The following SLC46A2 variants were observed in gnomAD, a reference collection of about 807,000 sequenced individuals.
SLC46A2 encodes the protein solute carrier family 46 member 2, also known as thymic stromal co-transporter.
SLC46A2 carries 25 observed loss-of-function variants against 33.1 expected under a neutral mutation model. The observed-to-expected ratio is 0.76, with a 90% CI of 0.55 to 1.06. The LOEUF (loss-of-function observed/expected upper bound fraction) is 1.06, where lower values mean the gene tolerates loss of function less well. SLC46A2 is among the 50% of genes least tolerant of loss of function. The probability of loss-of-function intolerance (pLI) is 0.00; values close to 1 mark genes in which losing one functional copy is unlikely to be tolerated. For synonymous variants in SLC46A2, 254 were observed against 275.9 expected (o/e 0.92, Z 0.79); for missense variants, 622 against 621.7 (o/e 1.00, Z 0.00).
intron 3 of SLC46A2, chr9:112,885,445 T>TAC (rs1841630967): frequency 6.6e-6 from 1 of 150,660 alleles, no homozygotes. Context: ...TATGTGTATA[T>TAC]ATATATATAT....
In SLC46A2 at chr9:112,890,206, A is replaced by G. The variant is rs1458261150; in HGVS notation, c.476T>C (p.Leu159Pro). The G allele has an allele frequency of 1.2e-6, 2 of 1,613,086 alleles. No individual in the cohort carries two copies. The highest frequency in any genetic ancestry group is 1.7e-5 in the Admixed American group (1 of 60,016). Reference sequence around the variant, plus strand: ...GCCCTCGGAGGAGCCCAGCGATCCCAGCGCCATGACCCCGGACCAGAAGGC... The same window carrying G: ...GCCCTCGGAGGAGCCCAGCGATCCCGGCGCCATGACCCCGGACCAGAAGGC... ...FSAFWSGVMALGSLGSSEGRR... is the reference protein window; with the variant it reads ...FSAFWSGVMAPGSLGSSEGRR... The change falls in exon 1 of 4, where the codon CTG (leucine) becomes CCG (proline). Residue 159 changes from leucine (L) to proline (P), a missense_variant. Leu to Pro is a moderately conservative substitution (Grantham distance 98). Transcript: ENST00000374228. The surrounding 1 kb of genome is among the most constrained non-coding windows in gnomAD (Gnocchi z 6.0).
rs2131549388 is a variant in SLC46A2, at chr9:112,890,806, G to C, written c.-125C>G. 9.1e-7 allele frequency: 1 copy of C among 1,099,692 alleles called. No individual in the cohort carries two copies. The allele number at this position is 1,099,692 out of a possible 1,614,324, so 68.1% of individuals were successfully genotyped here. ...CGCGAGTGTGCTCCGTGCGCCGGGA[G>C]CGCGAGTGTGCTCCGTGCGCCGGGA... On this transcript the variant is annotated 5_prime_UTR_variant, in exon 1 of 4. Coordinates refer to ENST00000374228, the MANE Select transcript of SLC46A2 (RefSeq NM_033051.4). This position sits in a 1 kb window ranked among gnomAD's most constrained non-coding sequence, Gnocchi z 6.0.
chr9:112,885,359 A>G (rs1324513307), intron 3 of SLC46A2: 3 of 151,994 alleles, frequency 2.0e-5, no homozygotes, highest in Non-Finnish European at 4.4e-5. Context: ...CTCATGTGCT[A>G]CTAGGCAGGT....
In SLC46A2 at chr9:112,889,923, G is replaced by A. The variant is rs7022287; in HGVS notation, c.759C>T (p.Tyr253=). Residue 253 remains tyrosine (Y), a synonymous_variant, in exon 1 of 4, where the codon TAC becomes TAT. Transcript: ENST00000374228. ...VDTVSGTVGT[Y]RTLDPDQLDQ... is the part of the protein sequence containing the mutation. ...CCAACTGATCAGGATCCAGAGTGCG[G>A]TATGTGCCAACCGTGCCAGACACGG... 1,079 of 1,614,262 alleles carry A rather than the reference G, an allele frequency of 6.7e-4. 7 individuals are homozygous for A. The African/African-American group carries it at 0.012, about 18-fold the overall frequency.
chr9:112,882,179 T>C (rs1475254488), intron 3 of SLC46A2, among the ~76,000 whole-genome samples: 1 of 152,204 alleles, frequency 6.6e-6, no homozygotes, highest in African/African-American at 2.4e-5. Context: ...TGATCTTTGC[T>C]CATTGCAGCC....
At position 112,890,803 on chromosome 9, in the gene SLC46A2, G is replaced by C; in HGVS notation, c.-122C>G. On this transcript the variant is annotated 5_prime_UTR_variant, in exon 1 of 4. Coordinates refer to ENST00000374228, the MANE Select transcript of SLC46A2 (RefSeq NM_033051.4). The surrounding 1 kb of genome is among the most constrained non-coding windows in gnomAD (Gnocchi z 6.0). ...GAGCGCGAGTGTGCTCCGTGCGCCG[G>C]GAGCGCGAGTGTGCTCCGTGCGCCG... is the stretch of plus-strand genomic sequence containing the variant. The C allele has an allele frequency of 9.3e-7, 1 of 1,071,804 alleles. No individual in the cohort carries two copies. The highest frequency in any genetic ancestry group is 1.3e-6 in the Non-Finnish European group (1 of 789,846). The allele number at this position is 1,071,804 out of a possible 1,614,324, so 66.4% of individuals were successfully genotyped here. A position where few individuals can be genotyped will look rare whatever the true frequency, so the allele number is the denominator to read the frequency against.
chr9:112,887,483 C>G (rs1841657319), intron 1 of SLC46A2, 70 bp from the exon 2 acceptor site: 2 of 1,410,330 alleles, frequency 1.4e-6, no homozygotes, highest in Admixed American at 4.9e-5. Flanking sequence ...TTATCAAAAG[C>G]CTCTCTTAGA....
chr9:112,888,226 G>A (rs906281189), intron 1 of SLC46A2, among the ~76,000 whole-genome samples: 2 of 152,100 alleles, frequency 1.3e-5, no homozygotes, highest in Non-Finnish European at 2.9e-5. Context: ...GCAGTGAGCC[G>A]AGATCGTACC....
intron 1 of SLC46A2, 116 bp from the exon 2 acceptor site, chr9:112,887,529 C>A: frequency 3.3e-6 from 3 of 904,556 alleles, no homozygotes; most frequent in East Asian, 2.8e-5. Context: ...GTGGCTTGAC[C>A]TGGAGGAAGT....
Position 112,879,671 on chromosome 9 carries a change from G to T in SLC46A2, c.*91C>A. On this transcript the variant is annotated 3_prime_UTR_variant, in exon 4 of 4. Transcript: ENST00000374228. ...GGAACGCAGGTTTCTTAAGCAGTGG[G>T]TTGCTTAGGTCACCAGTTCCCTGGT... 2.4e-6 allele frequency: 3 copies of T among 1,229,206 alleles called. No homozygotes were observed. In the East Asian group the frequency reaches 7.1e-5, roughly 29 times the overall value. 76.1% of individuals were successfully genotyped at this position (1,229,206 alleles called of 1,614,324 possible). A position where few individuals can be genotyped will look rare whatever the true frequency, so the allele number is the denominator to read the frequency against.
At position 112,889,766 on chromosome 9, in the gene SLC46A2, G is replaced by A; in HGVS notation, c.916C>T (p.Leu306Phe). 6.2e-7 allele frequency: 1 copy of A among 1,614,152 alleles called. No individual in the cohort carries two copies. The part of the protein sequence containing the change: ...AVVGTVDVIP[L>F]FVLREPLGWN... ...CCGAGAGGCTCCCTCAGCACAAAAA[G>A]AGGGATCACGTCCACTGTGCCCACC... Residue 306 changes from leucine to phenylalanine, a missense_variant, in exon 1 of 4, where the codon CTT becomes TTT. Leu to Phe is a conservative substitution (Grantham distance 22). Transcript: ENST00000374228.
chr9:112,890,704 A>G lies in SLC46A2; in HGVS notation c.-23T>C, dbSNP rs776342986. On this transcript the variant is annotated 5_prime_UTR_variant, in exon 1 of 4. Transcript: ENST00000374228. This position sits in a 1 kb window ranked among gnomAD's most constrained non-coding sequence, Gnocchi z 6.0. ...CATGTGACCTCTCTGATGGGGATCG[A>G]AGGGCTTTCTGGCTGCAGTGACAAG... 2 of 1,574,124 alleles carry G rather than the reference A, an allele frequency of 1.3e-6. No individual in the cohort carries two copies. Among genetic ancestry groups the G allele is most frequent in the Non-Finnish European group, 8.6e-7 (1 of 1,166,614 alleles).
intron 3 of SLC46A2, among the ~76,000 whole-genome samples, chr9:112,886,192 T>A (rs1164957157): frequency 6.6e-6 from 1 of 152,192 alleles, no homozygotes; most frequent in Non-Finnish European, 1.5e-5. Context: ...ACGGAACTCA[T>A]GTAAATAGTC....
intron 1 of SLC46A2, among the ~76,000 whole-genome samples, chr9:112,889,200 A>C (rs1337245884): frequency 6.6e-6 from 1 of 151,990 alleles, no homozygotes; most frequent in Non-Finnish European, 1.5e-5. Context: ...TTGAAATTCC[A>C]TCCCTTTAAA....
chr9:112,879,182 T>C lies in SLC46A2; in HGVS notation c.*580A>G, dbSNP rs1200166078. On this transcript the variant is annotated 3_prime_UTR_variant, in exon 4 of 4. Transcript: ENST00000374228. ...GCCTGAGCTCCATCCCCCTCCTGAGTGTTTGTAGGTAAGGAAGACTCAGGA... is the reference window on the plus strand; with the variant it reads ...GCCTGAGCTCCATCCCCCTCCTGAGCGTTTGTAGGTAAGGAAGACTCAGGA... 1 of 152,060 alleles carries C rather than the reference T, an allele frequency of 6.6e-6. No homozygotes were observed. The highest frequency in any genetic ancestry group is 1.5e-5 in the Non-Finnish European group (1 of 68,030). 9.4% of individuals were successfully genotyped at this position (152,060 alleles called of 1,614,324 possible).
At position 112,886,686 on chromosome 9, in the gene SLC46A2, C is replaced by T. The variant is rs76031056; in HGVS notation, c.1214-70G>A. On this transcript the variant is annotated intron_variant, in intron 2 of 3. Coordinates refer to ENST00000374228, the MANE Select transcript of SLC46A2 (RefSeq NM_033051.4). ...GCCTCACTCCCCATTAGCTGAGTCT[C>T]TGGAGAGTTCTTAGGGGACCCTTCC... 7,869 of 1,546,626 alleles carry T rather than the reference C, an allele frequency of 5.1e-3. 330 individuals carry two copies. In the African/African-American group the frequency reaches 0.091, roughly 18 times the overall value.
intron 3 of SLC46A2, among the ~76,000 whole-genome samples, chr9:112,886,208 A>T (rs138822992): frequency 9.8e-4 from 149 of 152,356 alleles, no homozygotes; most frequent in African/African-American, 3.4e-3. Context: ...TAGTCACTAT[A>T]AAACTGCCAA....
chr9:112,887,912 AGTGTGTGT>A (rs34424153), intron 1 of SLC46A2, among the ~76,000 whole-genome samples: 2 of 142,270 alleles, frequency 1.4e-5, no homozygotes, highest in Non-Finnish European at 3.1e-5. Flanking sequence ...ATCCAGATGC[AGTGTGTGT>A]GTGTGTGTGT....
Position 112,879,724 on chromosome 9 carries a change from C to G in SLC46A2, c.*38G>C. The G allele has an allele frequency of 6.3e-7, 1 of 1,590,312 alleles. No individual in the cohort carries two copies. On this transcript the variant is annotated 3_prime_UTR_variant, in exon 4 of 4. Coordinates refer to ENST00000374228, the MANE Select transcript of SLC46A2 (RefSeq NM_033051.4). ...CTTCTTTTGTCTTCTGGGGGCCTGG[C>G]CATGGCTGATGTTTTCAGTTCCTGC...
Sources: gnomAD v4.1 joint callset for allele counts (sites outside exome capture counted in the v4.1 genomes callset) on GRCh38, gnomAD v4.1.1 for gene constraint, Gnocchi (gnomAD v3.1) non-coding constraint, MANE v1.5 for transcripts, NCBI Gene and HGNC (gene_info 2026-07-23, HGNC 2026-07-21) for gene names.